The following DPYD variants were observed in gnomAD, a reference collection of about 807,000 sequenced individuals.
DPYD encodes dihydropyrimidine dehydrogenase [NADP(+)].
DPYD carries 109 observed loss-of-function variants against 116.2 expected under a neutral mutation model. The ratio of observed to expected loss-of-function variants is 0.94; its 90% CI spans 0.80 to 1.10. DPYD has a LOEUF of 1.10. Among genes scored for constraint, DPYD ranks in the 50% least tolerant of loss-of-function variants. The probability of loss-of-function intolerance (pLI) is 0.00; values close to 1 mark genes in which losing one functional copy is unlikely to be tolerated. For missense variants in DPYD, 1,302 were observed against 1,254.5 expected, an observed-to-expected ratio of 1.04 and a Z score of -0.57; for synonymous variants, 440 against 432.0, an observed-to-expected ratio of 1.02 and a Z score of -0.23.
At position 97,497,247 on chromosome 1, in the gene DPYD, A is replaced by G. The variant is rs140156194; in HGVS notation, c.1740+18479T>C. On this transcript the variant is annotated intron_variant, in intron 13 of 22. Coordinates refer to ENST00000370192, the MANE Select transcript of DPYD (RefSeq NM_000110.4). ...TGTTTTGCTCAAAATTTAGCTAGGA[A>G]TATTTATTCATTTCTTTGAACTATA... Among the ~76,000 whole-genome samples, 95 of 152,066 alleles carry G rather than the reference A, an allele frequency of 6.2e-4. No homozygotes were observed. In the East Asian group the frequency reaches 0.015, roughly 23 times the overall value.
chr1:97,153,754 C>T (rs141672020), intron 20 of DPYD, among the ~76,000 whole-genome samples: 251 of 152,098 alleles, frequency 1.7e-3, no homozygotes, highest in African/African-American at 5.6e-3. Flanking sequence ...ATACATCCAA[C>T]GAAGGACTAA....
chr1:97,897,004 T>A (rs1673105942), intron 1 of DPYD, among the ~76,000 whole-genome samples: 1 of 151,938 alleles, frequency 6.6e-6, no homozygotes, highest in South Asian at 2.1e-4. Flanking sequence ...AATTATGTAA[T>A]CCTTGGTGCA....
intron 11 of DPYD, among the ~76,000 whole-genome samples, chr1:97,565,173 A>G (rs1169264148): frequency 6.6e-6 from 1 of 152,070 alleles, no homozygotes; most frequent in Admixed American, 6.6e-5. Context: ...GTGACTGAAT[A>G]ACCACCTAAT....
intron 20 of DPYD, among the ~76,000 whole-genome samples, chr1:97,166,443 C>T (rs1176175075): frequency 6.6e-6 from 1 of 151,988 alleles, no homozygotes; most frequent in East Asian, 1.9e-4. Context: ...AACAGATAAT[C>T]AGAAAAAATA....
chr1:97,665,490 TA>T (rs1182097914), intron 8 of DPYD, among the ~76,000 whole-genome samples: 7 of 152,116 alleles, frequency 4.6e-5, no homozygotes, highest in Non-Finnish European at 8.8e-5. Context: ...GCAAAAGGAA[TA>T]AAAAATTGAA....
At chr1:97,229,949 A>G (rs953979172) in intron 19 of DPYD, among the ~76,000 whole-genome samples, 3 of 150,716 alleles carry the variant, frequency 2.0e-5, no homozygotes, top group African/African-American at 7.3e-5. Context: ...CAATTCTGGT[A>G]AAAACAAAAC....
chr1:97,079,026 GTGT>G lies in DPYD; in HGVS notation c.3025_3027del (p.Thr1009del). The G allele has an allele frequency of 1.2e-6, 2 of 1,613,716 alleles. No individual in the cohort carries two copies. Among genetic ancestry groups the G allele is most frequent in the African/African-American group, 2.7e-5 (2 of 74,976 alleles). ...GGTACGCCTCTCTTTGGTTCATAAG[GTGT>G]TGTCCTGGAAACCATTTTGATGCAG... On this transcript the variant is annotated inframe_deletion, in exon 23 of 23. Coordinates refer to ENST00000370192, the MANE Select transcript of DPYD (RefSeq NM_000110.4).
At chr1:97,101,080 A>AT (rs945677002) in intron 20 of DPYD, among the ~76,000 whole-genome samples, 5 of 149,982 alleles carry the variant, frequency 3.3e-5, no homozygotes, top group Non-Finnish European at 5.9e-5. Context: ...AAACTTGCCA[A>AT]TTTTTTTTAA....
At chr1:97,561,231 T>G (rs1381873109) in intron 11 of DPYD, among the ~76,000 whole-genome samples, 1 of 152,174 alleles carries the variant, frequency 6.6e-6, no homozygotes, top group African/African-American at 2.4e-5. Context: ...CCATTCTCAA[T>G]GCAAAGAGAA....
chr1:97,164,076 C>G (rs1301204005), intron 20 of DPYD, among the ~76,000 whole-genome samples: 2 of 152,246 alleles, frequency 1.3e-5, no homozygotes, highest in East Asian at 3.9e-4. Context: ...AGTTAATTCA[C>G]CATGACCAAG....
intron 20 of DPYD, among the ~76,000 whole-genome samples, chr1:97,124,836 G>C (rs1448522133): frequency 6.6e-6 from 1 of 152,086 alleles, no homozygotes; most frequent in African/African-American, 2.4e-5. Flanking sequence ...ATTTAAGAAA[G>C]TCACTTACTT....
At chr1:97,167,404 A>C (rs1406742759) in intron 20 of DPYD, among the ~76,000 whole-genome samples, 4 of 152,184 alleles carry the variant, frequency 2.6e-5, no homozygotes, top group African/African-American at 9.6e-5. Flanking sequence ...CTAGAGTAAG[A>C]TCAGTAAGCA....
chr1:97,700,146 T>C (rs1326015822), intron 5 of DPYD: 1 of 442,534 alleles, frequency 2.3e-6, no homozygotes, highest in Middle Eastern at 3.3e-4. Flanking sequence ...CAAAGTTAAG[T>C]GACCAGAAGT....
chr1:97,379,023 AG>A (rs1195158902), intron 15 of DPYD, among the ~76,000 whole-genome samples: 2 of 152,242 alleles, frequency 1.3e-5, no homozygotes, highest in Non-Finnish European at 1.5e-5. Context: ...GGCCCATGCA[AG>A]TAAATGCCCT....
At chr1:97,442,359 A>G (rs866489253) in intron 14 of DPYD, among the ~76,000 whole-genome samples, 2 of 146,374 alleles carry the variant, frequency 1.4e-5, no homozygotes, top group African/African-American at 5.1e-5. Flanking sequence ...CTCCATTTCC[A>G]TCTAGGATGC....
At chr1:97,510,477 T>A (rs1484277866) in intron 13 of DPYD, among the ~76,000 whole-genome samples, 1 of 151,948 alleles carries the variant, frequency 6.6e-6, no homozygotes, top group African/African-American at 2.4e-5. Context: ...AATAATCTCA[T>A]AGGCATTTGG....
chr1:97,089,863 T>C (rs1256285689), intron 21 of DPYD, among the ~76,000 whole-genome samples: 1 of 145,910 alleles, frequency 6.9e-6, no homozygotes, highest in East Asian at 2.0e-4. Context: ...TTCAAGGGGC[T>C]AGGAGAATCA....
At chr1:97,191,419 A>G (rs1376749177) in intron 20 of DPYD, among the ~76,000 whole-genome samples, 1 of 152,142 alleles carries the variant, frequency 6.6e-6, no homozygotes, top group African/African-American at 2.4e-5. Flanking sequence ...GAAATGAATC[A>G]CTAATATAAT....
chr1:97,829,902 C>T lies in DPYD; in HGVS notation c.151-1706G>A, dbSNP rs183560085. Among the ~76,000 whole-genome samples the T allele has an allele frequency of 2.5e-3, 373 of 151,992 alleles. 6 individuals carry two copies. Among genetic ancestry groups the T allele is most frequent in the African/African-American group, 8.6e-3 (358 of 41,428 alleles). ...TCCTAATGCCATCCCTCCCTCAGCC[C>T]CCCACCCCCAGACAGGCTCCAGTGT... On this transcript the variant is annotated intron_variant, in intron 2 of 22. Coordinates refer to ENST00000370192, the MANE Select transcript of DPYD (RefSeq NM_000110.4).
Sources: allele counts gnomAD v4.1 joint callset (sites outside exome capture counted in the v4.1 genomes callset), GRCh38; gene constraint gnomAD v4.1.1; transcripts MANE v1.5; gene names NCBI Gene and HGNC (gene_info 2026-07-23, HGNC 2026-07-21).